KCNN3: variants seen among roughly 807,000 people sequenced by gnomAD.
KCNN3 encodes small conductance calcium-activated potassium channel protein 3.
In KCNN3, 16 loss-of-function variants were observed where a neutral mutation model predicts 62.9. The observed-to-expected ratio is 0.25, with a 90% CI of 0.17 to 0.39. The LOEUF (loss-of-function observed/expected upper bound fraction) is 0.39, where lower values mean the gene tolerates loss of function less well. KCNN3 is among the 10% of genes least tolerant of loss of function. KCNN3 has a pLI of 1.00. For synonymous variants in KCNN3, 370 were observed against 389.2 expected (o/e 0.95, Z 0.58); for missense variants, 599 against 949.4 (o/e 0.63, Z 4.85).
intron 1 of KCNN3, among the ~76,000 whole-genome samples, chr1:154,826,599 C>T (rs1651144554): frequency 6.6e-6 from 1 of 151,712 alleles, no homozygotes; most frequent in Non-Finnish European, 1.5e-5. Context: ...CCACGCCTTG[C>T]TGGCCCTCCA....
chr1:154,720,876 C>G (rs1032577954), intron 5 of KCNN3, among the ~76,000 whole-genome samples: 27 of 151,976 alleles, frequency 1.8e-4, no homozygotes, highest in Non-Finnish European at 3.1e-4. Flanking sequence ...GAGAGGCGGG[C>G]ATGCGTGAAC....
rs775295714 is a variant in KCNN3, at chr1:154,772,233, G to T, written c.1190C>A (p.Ser397Tyr). ...TARLAFSYTP[S>Y]RAEADVDIIL... The stretch of plus-strand genomic sequence containing the variant: ...GATGTCCACATCGGCCTCCGCCCGG[G>T]AGGGTGTGTAGGAGAAGGCCAGGCG... Residue 397 changes from serine (S) to tyrosine (Y), a missense_variant, in exon 3 of 8, where the codon TCC becomes TAC. Physicochemically the swap from Ser to Tyr is moderately radical, Grantham distance 144. Around this residue, in one of 7 missense-constraint regions of KCNN3, gnomAD observed 288 missense variants for 557.4 expected, o/e 0.52. Coordinates refer to ENST00000271915, the MANE Select transcript of KCNN3 (RefSeq NM_002249.6). The surrounding 1 kb of genome is among the most constrained non-coding windows in gnomAD (Gnocchi z 5.6). The T allele has an allele frequency of 6.2e-7, 1 of 1,614,248 alleles. No homozygotes were observed. Among genetic ancestry groups the T allele is most frequent in the Non-Finnish European group, 8.5e-7 (1 of 1,180,048 alleles).
intron 4 of KCNN3, among the ~76,000 whole-genome samples, chr1:154,727,667 G>A (rs1465983511): frequency 6.6e-6 from 1 of 152,206 alleles, no homozygotes; most frequent in Non-Finnish European, 1.5e-5. Flanking sequence ...GTTCGAGGAC[G>A]GCTGTGTTTT....
Position 154,772,265 on chromosome 1 carries a change from C to T in KCNN3, c.1158G>A (p.Trp386Ter). Residue 386 changes from tryptophan (W) to a stop codon, truncating the protein, a stop_gained, in exon 3 of 8, where the codon TGG becomes TGA. Transcript: ENST00000271915. LOFTEE classifies it high-confidence loss of function. This position sits in a 1 kb window ranked among gnomAD's most constrained non-coding sequence, Gnocchi z 5.6. ...HPIPGEYKFF[W>*]TARLAFSYTP... is the part of the protein sequence containing the mutation. The stretch of plus-strand genomic sequence containing the variant: ...TGTAGGAGAAGGCCAGGCGTGCCGT[C>T]CAGAAGAACTTGTACTCGCCAGGAA... 1 of 1,614,222 alleles carries T rather than the reference C, an allele frequency of 6.2e-7. No individual in the cohort carries two copies. The highest frequency in any genetic ancestry group is 8.5e-7 in the Non-Finnish European group (1 of 1,180,044).
intron 2 of KCNN3, among the ~76,000 whole-genome samples, chr1:154,775,968 C>T (rs902758382): frequency 1.3e-5 from 2 of 152,016 alleles, no homozygotes; most frequent in Non-Finnish European, 1.5e-5. Flanking sequence ...ATGGAAGCAA[C>T]GAGTAACAGA....
At chr1:154,761,796 C>T (rs1392590930) in intron 3 of KCNN3, among the ~76,000 whole-genome samples, 1 of 152,060 alleles carries the variant, frequency 6.6e-6, no homozygotes, top group African/African-American at 2.4e-5. Context: ...AAAACTTAGC[C>T]AGGCGTTGTG....
At chr1:154,820,301 C>A (rs914299646) in intron 2 of KCNN3, among the ~76,000 whole-genome samples, 1 of 152,220 alleles carries the variant, frequency 6.6e-6, no homozygotes, top group South Asian at 2.1e-4. Flanking sequence ...CTCTACCCAC[C>A]CCAATGCCTG....
intron 2 of KCNN3, among the ~76,000 whole-genome samples, chr1:154,812,779 T>G (rs560608911): frequency 6.6e-6 from 1 of 152,162 alleles, no homozygotes; most frequent in Non-Finnish European, 1.5e-5. Context: ...TCTTTATTAT[T>G]GTTTTCTATG....
Position 154,772,468 on chromosome 1 carries a change from G to A in KCNN3, c.1030-75C>T. 7.1e-7 allele frequency: 1 copy of A among 1,406,266 alleles called. No homozygotes were observed. Among genetic ancestry groups the A allele is most frequent in the Non-Finnish European group, 9.9e-7 (1 of 1,005,924 alleles). The allele number at this position is 1,406,266 out of a possible 1,614,324, so 87.1% of individuals were successfully genotyped here. On this transcript the variant is annotated intron_variant, in intron 2 of 7. Coordinates refer to ENST00000271915, the MANE Select transcript of KCNN3 (RefSeq NM_002249.6). This position sits in a 1 kb window ranked among gnomAD's most constrained non-coding sequence, Gnocchi z 5.6. Reference sequence around the variant, plus strand: ...AGCAGGGTCCAGGCAGGACAGGTGGGGCAGGCTGGGGCAGGCTGCTGGGCT... The same window carrying A: ...AGCAGGGTCCAGGCAGGACAGGTGGAGCAGGCTGGGGCAGGCTGCTGGGCT...
chr1:154,856,376 C>T (rs1037603692), intron 1 of KCNN3, among the ~76,000 whole-genome samples: 3 of 152,196 alleles, frequency 2.0e-5, no homozygotes, highest in African/African-American at 4.8e-5. Context: ...GCCCACCCTG[C>T]CAACATGCAC....
intron 1 of KCNN3, among the ~76,000 whole-genome samples, chr1:154,829,811 C>T (rs1651309734): frequency 1.3e-5 from 2 of 152,184 alleles, no homozygotes; most frequent in African/African-American, 4.8e-5. Context: ...GCACCAGGAA[C>T]CCCGCTGGTC....
chr1:154,817,976 C>A (rs1193699877), intron 2 of KCNN3, among the ~76,000 whole-genome samples: 2 of 152,134 alleles, frequency 1.3e-5, no homozygotes, highest in Non-Finnish European at 2.9e-5. Flanking sequence ...CGTGAGCCTG[C>A]AGCCTGGGGA....
At chr1:154,776,556 C>T (rs529424000) in intron 2 of KCNN3, among the ~76,000 whole-genome samples, 3 of 152,144 alleles carry the variant, frequency 2.0e-5, no homozygotes, top group African/African-American at 4.8e-5. Context: ...TGCTGTCCCA[C>T]GTGAGGACAC....
In KCNN3 at chr1:154,700,145, C is replaced by T. The variant is rs1039217816; in HGVS notation, c.*7831G>A. ...GATAGCTTCATTCTCTAATTATTAA[C>T]GAGGTTAGTTATCACTACGGTGAGG... On this transcript the variant is annotated 3_prime_UTR_variant, in exon 8 of 8. Coordinates refer to ENST00000271915, the MANE Select transcript of KCNN3 (RefSeq NM_002249.6). The T allele has an allele frequency of 6.6e-6, 1 of 152,076 alleles. No individual in the cohort carries two copies. The highest frequency in any genetic ancestry group is 2.4e-5 in the African/African-American group (1 of 41,396). 9.4% of individuals were successfully genotyped at this position (152,076 alleles called of 1,614,324 possible).
intron 2 of KCNN3, among the ~76,000 whole-genome samples, chr1:154,814,995 A>C (rs1461500175): frequency 6.6e-6 from 1 of 152,198 alleles, no homozygotes; most frequent in Non-Finnish European, 1.5e-5. Flanking sequence ...GAGGGATGTA[A>C]ACCTGGCAGA....
chr1:154,761,502 A>G (rs1338715619), intron 3 of KCNN3, among the ~76,000 whole-genome samples: 1 of 152,104 alleles, frequency 6.6e-6, no homozygotes, highest in African/African-American at 2.4e-5. Flanking sequence ...ACACAAAGAA[A>G]TCAACTTAAT....
rs993299524 is a variant in KCNN3 at position 154,698,966 on chromosome 1, T to C, written c.*9010A>G. 6.6e-6 allele frequency: 1 copy of C among 152,166 alleles called. No homozygotes were observed. Among genetic ancestry groups the C allele is most frequent in the Non-Finnish European group, 1.5e-5 (1 of 68,024 alleles). The allele number at this position is 152,166 out of a possible 1,614,324, so 9.4% of individuals were successfully genotyped here. On this transcript the variant is annotated 3_prime_UTR_variant, in exon 8 of 8. Coordinates refer to ENST00000271915, the MANE Select transcript of KCNN3 (RefSeq NM_002249.6). ...CTGATGTGTGGAGAAAACTGGGCAC[T>C]AGACTGAACAAATTTTTAGCTATTG...
intron 1 of KCNN3, among the ~76,000 whole-genome samples, chr1:154,853,486 C>A (rs563812183): frequency 5.9e-5 from 9 of 152,144 alleles, no homozygotes; most frequent in Non-Finnish European, 1.2e-4. Context: ...CAGGCACGCA[C>A]CACCATGCCC....
intron 1 of KCNN3, among the ~76,000 whole-genome samples, chr1:154,847,278 A>G (rs1054958077): frequency 6.6e-6 from 1 of 151,098 alleles, no homozygotes; most frequent in Non-Finnish European, 1.5e-5. Context: ...GCCAGCGTGA[A>G]TATCAGGTCA....
Sources: gnomAD v4.1 joint callset for allele counts (sites outside exome capture counted in the v4.1 genomes callset) on GRCh38, gnomAD v4.1.1 for gene constraint, gnomAD v4.1.1 regional missense constraint, Gnocchi (gnomAD v3.1) non-coding constraint, MANE v1.5 for transcripts, NCBI Gene and HGNC (gene_info 2026-07-23, HGNC 2026-07-21) for gene names.